Variants in DLG2 observed in about 807,000 individuals in gnomAD.
DLG2 encodes the protein discs large MAGUK scaffold protein 2.
DLG2 carries 45 observed loss-of-function variants against 132.5 expected under a neutral mutation model. The observed-to-expected ratio is 0.34, with a 90% CI of 0.27 to 0.44. DLG2 has a LOEUF of 0.44. Among genes scored for constraint, DLG2 ranks in the 20% least tolerant of loss-of-function variants. The pLI, the probability that DLG2 is intolerant of heterozygous loss-of-function variation, is 1.00. For missense variants in DLG2, 1,045 were observed against 1,196.9 expected, an observed-to-expected ratio of 0.87 and a Z score of 1.87; for synonymous variants, 424 against 419.6, an observed-to-expected ratio of 1.01 and a Z score of -0.13.
chr11:84,739,108 T>C (rs1217703838), intron 6 of DLG2, among the ~76,000 whole-genome samples: 1 of 152,126 alleles, frequency 6.6e-6, no homozygotes, highest in Non-Finnish European at 1.5e-5. Flanking sequence ...GGAACTCTAA[T>C]GTGGCAGTGG....
Position 83,930,393 on chromosome 11 carries a change from G to A in DLG2, c.1431C>T (p.Ser477=). ...GGGAATAGGGAGCTGAGAGGAGGAA[G>A]CTTTTGTCACACTCAACAGGGGAAT... ...RHYSPVECDK[S]FLLSAPYSHY... Residue 477 remains serine (S), a synonymous_variant, in exon 15 of 28, where the codon AGC becomes AGT. Coordinates refer to ENST00000376104, the MANE Select transcript of DLG2 (RefSeq NM_001142699.3). 3 of 1,614,030 alleles carry A rather than the reference G, an allele frequency of 1.9e-6. No individual in the cohort carries two copies. Among genetic ancestry groups the A allele is most frequent in the Non-Finnish European group, 2.5e-6 (3 of 1,179,898 alleles).
At chr11:84,969,873 T>C (rs146922468) in intron 6 of DLG2, among the ~76,000 whole-genome samples, 5,213 of 152,236 alleles carry the variant, frequency 0.034, 117 homozygotes, top group African/African-American at 0.054. Context: ...TGCAGGGACA[T>C]GGATGAAGGT....
intron 3 of DLG2, among the ~76,000 whole-genome samples, chr11:85,574,784 AG>A (rs1325117289): frequency 6.6e-6 from 1 of 152,170 alleles, no homozygotes; most frequent in Non-Finnish European, 1.5e-5. Flanking sequence ...CCTCACCAGA[AG>A]CTGAGCAGAT....
chr11:83,620,306 C>T (rs557037086), intron 19 of DLG2, among the ~76,000 whole-genome samples: 3 of 151,988 alleles, frequency 2.0e-5, no homozygotes, highest in East Asian at 1.9e-4. Context: ...ATGTATAAAA[C>T]GTGTAACTTT....
At chr11:85,060,140 T>C (rs2154158775) in intron 6 of DLG2, among the ~76,000 whole-genome samples, 1 of 151,620 alleles carries the variant, frequency 6.6e-6, no homozygotes, top group South Asian at 2.1e-4. Context: ...TTTTACTTTC[T>C]GTTTCAGTGA....
intron 3 of DLG2, among the ~76,000 whole-genome samples, chr11:85,585,311 T>A (rs371516098): frequency 1.3e-5 from 2 of 152,234 alleles, no homozygotes; most frequent in Non-Finnish European, 2.9e-5. Context: ...CAGTTGACTT[T>A]AAGTATTTGG....
intron 7 of DLG2, among the ~76,000 whole-genome samples, chr11:84,297,692 T>C (rs546261144): frequency 6.6e-6 from 1 of 152,252 alleles, no homozygotes; most frequent in East Asian, 1.9e-4. Context: ...AGGAGTCCAA[T>C]GGCTTTTTGT....
At chr11:83,804,650 G>A (rs183294996) in intron 17 of DLG2, among the ~76,000 whole-genome samples, 210 of 147,426 alleles carry the variant, frequency 1.4e-3, no homozygotes, top group African/African-American at 4.2e-3. Flanking sequence ...TGTTGCAGAC[G>A]TCATTCCACT....
intron 3 of DLG2, among the ~76,000 whole-genome samples, chr11:85,462,422 C>T (rs1017831311): frequency 2.0e-5 from 3 of 152,126 alleles, no homozygotes; most frequent in Non-Finnish European, 2.9e-5. Flanking sequence ...CAATGATAGA[C>T]TGGATTAAGA....
chr11:84,627,116 C>T (rs954843531), intron 6 of DLG2, among the ~76,000 whole-genome samples: 1 of 152,066 alleles, frequency 6.6e-6, no homozygotes. Context: ...GGTCATCTGC[C>T]TGCCTCAGCC....
chr11:84,992,723 C>A (rs1353273257), intron 6 of DLG2, among the ~76,000 whole-genome samples: 1 of 152,098 alleles, frequency 6.6e-6, no homozygotes, highest in Non-Finnish European at 1.5e-5. Context: ...ATATCATTTG[C>A]CCACTTTTTG....
rs557067323 is a variant in DLG2 at position 85,364,416 on chromosome 11, A to G, written c.41-79051T>C. Among the ~76,000 whole-genome samples the G allele has an allele frequency of 2.0e-5, 3 of 152,318 alleles. No homozygotes were observed. The South Asian group carries it at 6.2e-4, about 32-fold the overall frequency. ...AGCCCTTAACTAATAATTGACAGGG[A>G]TTAGTATATAATAAATACCCTAGCT... On this transcript the variant is annotated intron_variant, in intron 3 of 27. Transcript: ENST00000376104.
At chr11:84,672,928 A>G (rs1294198864) in intron 6 of DLG2, among the ~76,000 whole-genome samples, 1 of 152,160 alleles carries the variant, frequency 6.6e-6, no homozygotes, top group African/African-American at 2.4e-5. Flanking sequence ...CTCATGGCAG[A>G]AAGCAAAGCA....
At chr11:84,244,731 T>C (rs1412898382) in intron 8 of DLG2, among the ~76,000 whole-genome samples, 1 of 152,200 alleles carries the variant, frequency 6.6e-6, no homozygotes, top group East Asian at 1.9e-4. Flanking sequence ...TTTAACAATG[T>C]CCATGGGAAA....
intron 18 of DLG2, among the ~76,000 whole-genome samples, chr11:83,758,090 GTCTTT>G (rs1451970609): frequency 6.6e-6 from 1 of 152,152 alleles, no homozygotes; most frequent in African/African-American, 2.4e-5. Context: ...GACTGTAAAT[GTCTTT>G]TCTTTTCTTG....
intron 3 of DLG2, among the ~76,000 whole-genome samples, chr11:85,476,939 G>C (rs1305823452): frequency 1.3e-5 from 2 of 152,036 alleles, no homozygotes; most frequent in Non-Finnish European, 2.9e-5. Flanking sequence ...TATTTATCAA[G>C]TATTATGTAC....
chr11:83,970,695 A>G (rs1377240167), intron 12 of DLG2, among the ~76,000 whole-genome samples: 5 of 152,184 alleles, frequency 3.3e-5, no homozygotes, highest in African/African-American at 7.2e-5. Flanking sequence ...TCAAAAGGCT[A>G]TTGATTAAAA....
At chr11:83,737,305 T>C (rs2092024572) in intron 18 of DLG2, among the ~76,000 whole-genome samples, 2 of 152,232 alleles carry the variant, frequency 1.3e-5, no homozygotes, top group African/African-American at 4.8e-5. Flanking sequence ...CATAATGTCC[T>C]ACTGAAAACA....
chr11:84,472,423 G>A (rs965125195), intron 7 of DLG2, among the ~76,000 whole-genome samples: 13 of 151,882 alleles, frequency 8.6e-5, no homozygotes, highest in Non-Finnish European at 1.2e-4. Flanking sequence ...GTTGTGTCTC[G>A]ATAAGTTTAA....
Sources: allele counts gnomAD v4.1 joint callset (sites outside exome capture counted in the v4.1 genomes callset), GRCh38; gene constraint gnomAD v4.1.1; transcripts MANE v1.5; gene names NCBI Gene and HGNC (gene_info 2026-07-23, HGNC 2026-07-21).